NRG1: variants seen among roughly 807,000 people sequenced by gnomAD.
NRG1 encodes pro-neuregulin-1, membrane-bound isoform.
In NRG1, 18 loss-of-function variants were observed where a neutral mutation model predicts 63.8. The ratio of observed to expected loss-of-function variants is 0.28; its 90% confidence interval spans 0.19 to 0.42. The LOEUF is 0.42. Ranked by LOEUF, NRG1 falls within the 10% of genes least tolerant of loss-of-function variation. NRG1 has a pLI of 1.00. For synonymous variants in NRG1, 302 were observed against 301.3 expected, an observed-to-expected ratio of 1.00 and a Z score of -0.02; for missense variants, 762 against 814.7, an observed-to-expected ratio of 0.94 and a Z score of 0.79.
rs1222841381 is a variant in NRG1, at chr8:32,447,530, C to T, written c.38-148298C>T. Among the ~76,000 whole-genome samples the T allele has an allele frequency of 2.6e-5, 4 of 152,016 alleles. No individual in the cohort carries two copies. The East Asian group carries it at 5.8e-4, about 22-fold the overall frequency. Reference sequence around the variant, plus strand: ...AGAATAGCAAGAGACATGTTTTATTCTATTATATTCTCTTAGTCAGCAATG... The same window carrying T: ...AGAATAGCAAGAGACATGTTTTATTTTATTATATTCTCTTAGTCAGCAATG... On this transcript the variant is annotated intron_variant, in intron 1 of 10. Transcript: ENST00000519301.
chr8:32,437,178 C>T (rs906000436), intron 1 of NRG1, among the ~76,000 whole-genome samples: 51 of 152,050 alleles, frequency 3.4e-4, no homozygotes, highest in African/African-American at 1.2e-3. Context: ...CTTGCTAACA[C>T]CTACCTACCT....
intron 1 of NRG1, among the ~76,000 whole-genome samples, chr8:31,744,155 TG>T (rs768904439): frequency 4.0e-4 from 61 of 151,974 alleles, no homozygotes; most frequent in Non-Finnish European, 6.0e-4. Context: ...GATGGTATTC[TG>T]AGCCTCTGCT....
At chr8:31,670,687 A>G (rs1807041540) in intron 1 of NRG1, among the ~76,000 whole-genome samples, 1 of 152,118 alleles carries the variant, frequency 6.6e-6, no homozygotes, top group Non-Finnish European at 1.5e-5. Context: ...CTAGGTGTTA[A>G]GTTTTTATCT....
chr8:32,341,156 C>T (rs1804023085), intron 1 of NRG1, among the ~76,000 whole-genome samples: 1 of 152,284 alleles, frequency 6.6e-6, no homozygotes, highest in South Asian at 2.1e-4. Flanking sequence ...GTCTTAAGCC[C>T]AGCTTCTTGT....
exon 12 of NRG1, chr8:32,765,752 C>T (rs1379696951): frequency 1.3e-5 from 2 of 152,098 alleles, no homozygotes; most frequent in Admixed American, 1.3e-4. Context: ...GTGTCCTGAC[C>T]TCTCCATTTA....
intron 1 of NRG1, among the ~76,000 whole-genome samples, chr8:31,711,537 G>A (rs570882069): frequency 4.1e-4 from 62 of 152,228 alleles, no homozygotes; most frequent in African/African-American, 1.4e-3. Context: ...CACTGGGTTA[G>A]TTTTTCCTTG....
intron 1 of NRG1, among the ~76,000 whole-genome samples, chr8:32,524,701 C>G (rs940819094): frequency 6.6e-6 from 1 of 152,020 alleles, no homozygotes; most frequent in Non-Finnish European, 1.5e-5. Context: ...CTAAGTCATG[C>G]GGATTTAAAA....
At position 31,883,452 on chromosome 8, in the gene NRG1, T is replaced by C. The variant is rs1037279727; in HGVS notation, c.37+244021T>C. On this transcript the variant is annotated intron_variant, in intron 1 of 10. Transcript: ENST00000519301. ...CTGAACCTGTAATATCCCTAAGGTA[T>C]GCCTATGCTTGAAAAATGTTATCAG... Among the ~76,000 whole-genome samples, 12 of 152,268 alleles carry C rather than the reference T, an allele frequency of 7.9e-5. No individual in the cohort carries two copies. The East Asian group carries it at 1.9e-3, about 25-fold the overall frequency.
intron 1 of NRG1, among the ~76,000 whole-genome samples, chr8:31,781,299 A>G (rs1586366514): frequency 6.6e-6 from 1 of 152,182 alleles, no homozygotes. Context: ...CATGGATTAG[A>G]TTAGCTTGTG....
chr8:31,809,752 T>C (rs543644795), intron 1 of NRG1, among the ~76,000 whole-genome samples: 1 of 149,142 alleles, frequency 6.7e-6, no homozygotes, highest in Admixed American at 6.7e-5. Context: ...TTTTTTTTTT[T>C]TTTTTTTTTT....
chr8:32,153,498 T>G (rs906752022), intron 1 of NRG1, among the ~76,000 whole-genome samples: 2 of 152,154 alleles, frequency 1.3e-5, no homozygotes, highest in African/African-American at 4.8e-5. Flanking sequence ...TCAAGGTAAT[T>G]ATTGGTATGC....
At chr8:32,714,857 T>C (rs1333060232) in intron 5 of NRG1, among the ~76,000 whole-genome samples, 1 of 151,940 alleles carries the variant, frequency 6.6e-6, no homozygotes, top group Admixed American at 6.6e-5. Context: ...GCAAGTAGAG[T>C]GTTAGCTCCC....
chr8:31,826,077 C>T (rs763615282), intron 1 of NRG1, among the ~76,000 whole-genome samples: 4 of 152,076 alleles, frequency 2.6e-5, no homozygotes, highest in Non-Finnish European at 4.4e-5. Context: ...GAAATAGAAC[C>T]CTGTTTTTGA....
intron 1 of NRG1, among the ~76,000 whole-genome samples, chr8:32,176,822 G>A (rs1445640252): frequency 6.6e-6 from 1 of 152,046 alleles, no homozygotes; most frequent in African/African-American, 2.4e-5. Context: ...AAAAAGTCAG[G>A]AAACAACAGG....
exon 1 of NRG1, chr8:31,639,386 G>T (rs913609130): frequency 6.5e-7 from 1 of 1,534,672 alleles, no homozygotes; most frequent in Non-Finnish European, 8.7e-7. Context: ...GCTCCGCTCC[G>T]GCAGCAGCAT....
intron 1 of NRG1, among the ~76,000 whole-genome samples, chr8:31,846,224 A>T (rs779565230): frequency 6.6e-6 from 1 of 152,250 alleles, no homozygotes; most frequent in Non-Finnish European, 1.5e-5. Flanking sequence ...TGATTTCAGA[A>T]TATAGTTACA....
At chr8:32,112,357 T>C (rs1258041831) in intron 1 of NRG1, among the ~76,000 whole-genome samples, 2 of 152,186 alleles carry the variant, frequency 1.3e-5, no homozygotes, top group African/African-American at 4.8e-5. Context: ...TCTGAAGCCG[T>C]GAGGCTGGAC....
intron 1 of NRG1, among the ~76,000 whole-genome samples, chr8:32,070,353 C>G (rs567647020): frequency 6.6e-5 from 10 of 152,218 alleles, no homozygotes; most frequent in African/African-American, 2.4e-4. Flanking sequence ...ACCATTATAA[C>G]CTTGCTCTGT....
intron 1 of NRG1, among the ~76,000 whole-genome samples, chr8:32,257,761 C>T (rs1849896590): frequency 1.3e-5 from 2 of 152,274 alleles, no homozygotes; most frequent in Admixed American, 6.5e-5. Context: ...CCTAAAAGAC[C>T]ACTATTGACT....
Sources: allele counts gnomAD v4.1 joint callset (sites outside exome capture counted in the v4.1 genomes callset), GRCh38; gene constraint gnomAD v4.1.1; transcripts MANE v1.5; gene names NCBI Gene and HGNC (gene_info 2026-07-23, HGNC 2026-07-21).